Variants in UTRN observed in about 807,000 individuals in gnomAD.
The protein encoded by UTRN is utrophin, also known as dystrophin-related protein 1.
A neutral mutation model predicts 463.9 loss-of-function variants in UTRN; 283 were observed. That is an observed-to-expected ratio of 0.61 (90% confidence interval 0.55 to 0.67). The LOEUF (loss-of-function observed/expected upper bound fraction) is 0.67. Ranked by LOEUF, UTRN falls within the 30% of genes least tolerant of loss-of-function variation. The pLI, the probability that UTRN is intolerant of heterozygous loss-of-function variation, is 0.00. For synonymous variants in UTRN, 1,442 were observed against 1,431.5 expected, an observed-to-expected ratio of 1.01 and a Z score of -0.17; for missense variants, 3,922 against 4,084.3, an observed-to-expected ratio of 0.96 and a Z score of 1.08.
At chr6:144,827,222 T>C in intron 66 of UTRN, 126 bp from the exon 67 acceptor site, 1 of 1,104,614 alleles carries the variant, frequency 9.1e-7, no homozygotes, top group Admixed American at 2.0e-5. Context: ...CCATGGTGGC[T>C]CTCAGGGCAA....
chr6:144,534,177 G>A (rs968974584), intron 43 of UTRN, among the ~76,000 whole-genome samples: 1 of 152,260 alleles, frequency 6.6e-6, no homozygotes, highest in Non-Finnish European at 1.5e-5. Flanking sequence ...TATTTTGTGT[G>A]TTTTGGTAAG....
At chr6:144,722,286 A>G (rs953012960) in intron 53 of UTRN, among the ~76,000 whole-genome samples, 2 of 151,240 alleles carry the variant, frequency 1.3e-5, no homozygotes, top group Non-Finnish European at 2.9e-5. Context: ...CTTTTGCCAG[A>G]TATTCTCATG....
chr6:144,765,916 G>T (rs1052627855), intron 58 of UTRN, among the ~76,000 whole-genome samples: 8 of 151,594 alleles, frequency 5.3e-5, no homozygotes, highest in Admixed American at 3.3e-4. Context: ...TGACCTCCAC[G>T]CTTCTTTTCT....
At chr6:144,655,455 A>G (rs1232902325) in intron 51 of UTRN, among the ~76,000 whole-genome samples, 1 of 152,246 alleles carries the variant, frequency 6.6e-6, no homozygotes, top group African/African-American at 2.4e-5. Flanking sequence ...TTCTTTCACA[A>G]GAAATAAGTT....
chr6:144,431,187 AAGG>A (rs1352621266), intron 9 of UTRN, among the ~76,000 whole-genome samples: 2 of 152,180 alleles, frequency 1.3e-5, no homozygotes, highest in Non-Finnish European at 2.9e-5. Context: ...ATTTTGTTAG[AAGG>A]AGGAGATATT....
rs758088970 is a variant in UTRN at position 144,793,820 on chromosome 6, G to T, written c.8921-14G>T. ...GTAGACAGATGAAAGTTAACCTCTT[G>T]CCTCTCTTTGCAGATCTCTTTAAGG... On this transcript the variant is annotated splice_polypyrimidine_tract_variant and intron_variant, in intron 62 of 74. Transcript: ENST00000367545. 3 of 1,611,720 alleles carry T rather than the reference G, an allele frequency of 1.9e-6. No homozygotes were observed. The highest frequency in any genetic ancestry group is 2.5e-6 in the Non-Finnish European group (3 of 1,178,754).
chr6:144,464,316 A>G (rs894305981), intron 23 of UTRN, among the ~76,000 whole-genome samples: 6 of 152,126 alleles, frequency 3.9e-5, no homozygotes, highest in Non-Finnish European at 7.4e-5. Flanking sequence ...GGTAGTTCCA[A>G]TGAATGATCA....
chr6:144,494,273 G>A (rs562640472), intron 33 of UTRN, among the ~76,000 whole-genome samples: 2 of 152,212 alleles, frequency 1.3e-5, no homozygotes, highest in East Asian at 3.9e-4. Flanking sequence ...CCTTCTGGTG[G>A]GTTCATGGTC....
chr6:144,551,276 AT>A (rs2128611912), intron 48 of UTRN, among the ~76,000 whole-genome samples, 194 bp downstream of exon 48: 1 of 152,246 alleles, frequency 6.6e-6, no homozygotes, highest in South Asian at 2.1e-4. Context: ...TTTTGTGAAC[AT>A]TGTTACAATA....
rs5880596 is a variant in UTRN at position 144,551,136 on chromosome 6, G to GACACACACAC, written c.6928+78_6928+87dup. ...ATCATCCACTTTCCCTGCAAATGGTGACACACACACACACACACACACACA... is the reference window on the plus strand; with the variant it reads ...ATCATCCACTTTCCCTGCAAATGGTGACACACACACACACACACACACACACACACACACA... On this transcript the variant is annotated intron_variant, in intron 48 of 74. Transcript: ENST00000367545. 267 of 635,242 alleles carry GACACACACAC rather than the reference G, an allele frequency of 4.2e-4. 1 individual carries two copies. In the African/African-American group the frequency reaches 4.6e-3, roughly 11 times the overall value. 39.4% of individuals were successfully genotyped at this position (635,242 alleles called of 1,614,324 possible). A position where few individuals can be genotyped will look rare whatever the true frequency, so the allele number is the denominator to read the frequency against.
At chr6:144,845,941 T>C (rs1781974366) in intron 73 of UTRN, among the ~76,000 whole-genome samples, 1 of 151,956 alleles carries the variant, frequency 6.6e-6, no homozygotes, top group Non-Finnish European at 1.5e-5. Context: ...CCACTCAGCA[T>C]AGAACAGTGA....
chr6:144,510,935 A>G lies in UTRN; in HGVS notation c.4765-9A>G. On this transcript the variant is annotated splice_polypyrimidine_tract_variant and intron_variant, in intron 34 of 74. Transcript: ENST00000367545. ...GCATCAAGTAGGTCTTGGTGTTTTT[A>G]TTTTCTAGAATGTTCTGAAGGATCT... The G allele has an allele frequency of 1.3e-6, 2 of 1,548,138 alleles. No homozygotes were observed. The highest frequency in any genetic ancestry group is 1.8e-6 in the Non-Finnish European group (2 of 1,142,186).
At chr6:144,741,586 C>T (rs1790095937) in intron 54 of UTRN, among the ~76,000 whole-genome samples, 1 of 152,048 alleles carries the variant, frequency 6.6e-6, no homozygotes, top group Admixed American at 6.6e-5. Context: ...CTTTTATTGC[C>T]ACCTGCCTGC....
chr6:144,712,707 A>G (rs1029816357), intron 53 of UTRN, among the ~76,000 whole-genome samples: 3 of 152,188 alleles, frequency 2.0e-5, no homozygotes, highest in Admixed American at 6.5e-5. Context: ...GTACTACAGT[A>G]GATATTAAAA....
rs543538089 is a variant in UTRN, at chr6:144,653,573, G to A, written c.7480-24833G>A. On this transcript the variant is annotated intron_variant, in intron 51 of 74. Coordinates refer to ENST00000367545, the MANE Select transcript of UTRN (RefSeq NM_007124.3). ...TGCACTCCAGCCTGGGCGACAGAGC[G>A]AGACTCCATCTTAAAAAAAAAAAAA... Among the ~76,000 whole-genome samples the A allele has an allele frequency of 2.2e-3, 334 of 149,628 alleles. 2 individuals carry two copies. Among genetic ancestry groups the A allele is most frequent in the African/African-American group, 8.1e-3 (328 of 40,498 alleles).
At chr6:144,710,724 A>G (rs9373424) in intron 53 of UTRN, among the ~76,000 whole-genome samples, 15,969 of 152,222 alleles carry the variant, frequency 0.1, 1,209 homozygotes, top group East Asian at 0.46. Flanking sequence ...GTCTTTTCTG[A>G]TAGTTTTGAT....
chr6:144,712,029 A>C (rs1785770532), intron 53 of UTRN, among the ~76,000 whole-genome samples: 1 of 152,168 alleles, frequency 6.6e-6, no homozygotes, highest in Non-Finnish European at 1.5e-5. Flanking sequence ...TACTAAAGTA[A>C]TCGGAGACTC....
chr6:144,767,624 T>A (rs1323867012), intron 58 of UTRN, among the ~76,000 whole-genome samples: 1 of 152,164 alleles, frequency 6.6e-6, no homozygotes, highest in Non-Finnish European at 1.5e-5. Context: ...AAATAGAATT[T>A]ACACATAGAA....
intron 37 of UTRN, among the ~76,000 whole-genome samples, 181 bp downstream of exon 37, chr6:144,515,001 A>C (rs539836543): frequency 6.6e-6 from 1 of 152,164 alleles, no homozygotes; most frequent in East Asian, 1.9e-4. Context: ...TTCTGGGTGC[A>C]AGCTATTCTC....
Sources: gnomAD v4.1 joint callset for allele counts (sites outside exome capture counted in the v4.1 genomes callset) on GRCh38, gnomAD v4.1.1 for gene constraint, MANE v1.5 for transcripts, NCBI Gene and HGNC (gene_info 2026-07-23, HGNC 2026-07-21) for gene names.